The following CYP3A5 variants were observed in gnomAD, a reference collection of about 807,000 sequenced individuals.
CYP3A5 encodes cytochrome P450 3A5.
A neutral mutation model predicts 55.9 loss-of-function variants in CYP3A5; 51 were observed. The ratio of observed to expected loss-of-function variants is 0.91; its 90% CI spans 0.73 to 1.15. CYP3A5 has a LOEUF of 1.15. Ranked by LOEUF, CYP3A5 falls within the 50% of genes most tolerant of loss-of-function variation. The pLI, the probability that CYP3A5 is intolerant of heterozygous loss-of-function variation, is 0.00. For synonymous variants in CYP3A5, 196 were observed against 213.9 expected, an observed-to-expected ratio of 0.92 and a Z score of 0.73; for missense variants, 533 against 596.6, an observed-to-expected ratio of 0.89 and a Z score of 1.11.
intron 1 of CYP3A5, chr7:99,677,295 A>G: frequency 1.0e-6 from 1 of 974,384 alleles, no homozygotes; most frequent in Non-Finnish European, 1.2e-6. Context: ...TCAGCTGTGA[A>G]GCTGCTAGCC....
At position 99,675,757 on chromosome 7, in the gene CYP3A5, G is replaced by T. The variant is rs528008814; in HGVS notation, c.165+358C>A. On this transcript the variant is annotated intron_variant, in intron 2 of 12. Coordinates refer to ENST00000222982, the MANE Select transcript of CYP3A5 (RefSeq NM_000777.5). ...TGACCAAGCTGGAGTGCAGTGGTGC[G>T]ATCACAGCTCAATACAGCCTTGACT... Among the ~76,000 whole-genome samples the T allele has an allele frequency of 4.4e-5, 6 of 137,612 alleles. No homozygotes were observed. In the East Asian group the frequency reaches 1.3e-3, roughly 29 times the overall value. The allele number at this position is 137,612 out of a possible 152,430, so 90.3% of individuals were successfully genotyped here. A position where few individuals can be genotyped will look rare whatever the true frequency, so the allele number is the denominator to read the frequency against.
chr7:99,664,088 A>C lies in CYP3A5; in HGVS notation c.678T>G (p.Phe226Leu). The C allele has an allele frequency of 6.3e-7, 1 of 1,583,612 alleles. No homozygotes were observed. The highest frequency in any genetic ancestry group is 8.5e-7 in the Non-Finnish European group (1 of 1,172,504). Reference sequence around the variant, plus strand: ...CTTCAAAAACTGGGGTAAGGAATGGAAAGAGTACTGTGGGAAAAACAAAAC... The same window carrying C: ...CTTCAAAAACTGGGGTAAGGAATGGCAAGAGTACTGTGGGAAAAACAAAAC... ...LDPLFLSIIL[F>L]PFLTPVFEAL... Residue 226 changes from phenylalanine (F) to leucine (L), a missense_variant, in exon 8 of 13, where the codon TTT becomes TTG. By Grantham distance (22) the Phe-to-Leu change is conservative (BLOSUM62 0). Transcript: ENST00000222982.
At chr7:99,655,888 A>G (rs929323354) in intron 10 of CYP3A5, among the ~76,000 whole-genome samples, 2 of 152,032 alleles carry the variant, frequency 1.3e-5, no homozygotes, top group Non-Finnish European at 2.9e-5. Flanking sequence ...TTTGTCTGTT[A>G]TTGGTGTATA....
At chr7:99,672,702 A>C in intron 3 of CYP3A5, 23 bp from the exon 4 acceptor site, 1 of 1,613,106 alleles carries the variant, frequency 6.2e-7, no homozygotes, top group South Asian at 1.1e-5. Flanking sequence ...AACGGAGCTG[A>C]TTAAACTTCA....
intron 4 of CYP3A5, 85 bp downstream of exon 4, chr7:99,672,495 C>G (rs1471802182): frequency 8.3e-7 from 1 of 1,202,510 alleles, no homozygotes; most frequent in Non-Finnish European, 1.2e-6. Context: ...TTTTAGGTAA[C>G]CTTCTGTGAA....
intron 9 of CYP3A5, among the ~76,000 whole-genome samples, chr7:99,661,171 ACTGAGCTACAGATCACCT>A (rs1423889056): frequency 1.1e-4 from 16 of 152,196 alleles, no homozygotes; most frequent in African/African-American, 3.9e-4. Context: ...AAGGACCAAT[ACTGAGCTACAGATCACCT>A]CTTGCTACTC....
intron 7 of CYP3A5, 44 bp downstream of exon 7, chr7:99,665,122 G>A (rs1343465305): frequency 1.4e-6 from 2 of 1,459,322 alleles, no homozygotes; most frequent in African/African-American, 2.9e-5. Flanking sequence ...TGTCAAGAAA[G>A]CAGTTATTTT....
At position 99,666,986 on chromosome 7, in the gene CYP3A5, A is replaced by G. The variant is rs1383200930; in HGVS notation, c.398T>C (p.Leu133Pro). 13 of 1,614,000 alleles carry G rather than the reference A, an allele frequency of 8.1e-6. No homozygotes were observed. The highest frequency in any genetic ancestry group is 1.1e-5 in the Non-Finnish European group (13 of 1,180,012). The change falls in exon 5 of 13, where the codon CTG becomes CCG. Residue 133 changes from leucine to proline, a missense_variant. Coordinates refer to ENST00000222982, the MANE Select transcript of CYP3A5 (RefSeq NM_000777.5). Reference sequence around the variant, plus strand: ...TTTTCCGCTGGTGAAGGTTGGAGACAGCAATGACCGTATTCTCTTCCATTC... The same window carrying G: ...TTTTCCGCTGGTGAAGGTTGGAGACGGCAATGACCGTATTCTCTTCCATTC... ...DEEWKRIRSL[L>P]SPTFTSGKLK... is the part of the protein sequence containing the mutation.
chr7:99,660,032 C>T, intron 10 of CYP3A5: 1 of 200,854 alleles, frequency 5.0e-6, no homozygotes, highest in South Asian at 1.8e-4. Context: ...TGATGCCTCG[C>T]CCTGCTTTGG....
At chr7:99,663,868 G>A in intron 8 of CYP3A5, 100 bp downstream of exon 8, 1 of 1,448,460 alleles carries the variant, frequency 6.9e-7, no homozygotes, top group Non-Finnish European at 9.0e-7. Context: ...TAAGTTCTCT[G>A]TCTTTATTTT....
intron 9 of CYP3A5, among the ~76,000 whole-genome samples, chr7:99,661,374 G>A (rs916519021): frequency 1.3e-5 from 2 of 152,140 alleles, no homozygotes; most frequent in African/African-American, 4.8e-5. Flanking sequence ...ACAGGCATCA[G>A]GCAATACAAG....
Position 99,662,835 on chromosome 7 carries a change from T to A in CYP3A5, c.846A>T (p.Lys282Asn), listed in dbSNP as rs1228706181. 1 of 1,614,062 alleles carries A rather than the reference T, an allele frequency of 6.2e-7. No homozygotes were observed. The highest frequency in any genetic ancestry group is 1.1e-5 in the South Asian group (1 of 91,076). ...LQLMIDSQNS[K>N]ETESHKALSD... ...GGTTACCTTTGTGGGACTCAGTTTCTTTCGAATTCTGGGAGTCAATCATCA... is the reference window on the plus strand; with the variant it reads ...GGTTACCTTTGTGGGACTCAGTTTCATTCGAATTCTGGGAGTCAATCATCA... The change falls in exon 9 of 13, where the codon AAA becomes AAT. Residue 282 changes from lysine (K) to asparagine (N), a missense_variant. Physicochemically the swap from Lys to Asn is moderately conservative, Grantham distance 94. Coordinates refer to ENST00000222982, the MANE Select transcript of CYP3A5 (RefSeq NM_000777.5). This position sits in a 1 kb window ranked among gnomAD's most constrained non-coding sequence, Gnocchi z 4.3.
At chr7:99,679,346 G>C (rs1812605222) in intron 1 of CYP3A5, among the ~76,000 whole-genome samples, 1 of 152,096 alleles carries the variant, frequency 6.6e-6, no homozygotes, top group East Asian at 1.9e-4. Flanking sequence ...CGGGGGAGCA[G>C]GAACCAGGTC....
chr7:99,671,951 T>C (rs753836839), intron 4 of CYP3A5: 1 of 677,824 alleles, frequency 1.5e-6, no homozygotes, highest in Non-Finnish European at 2.7e-6. Context: ...GTAAAACTGG[T>C]GAAATCTGAA....
chr7:99,667,095 C>A, intron 4 of CYP3A5, 30 bp from the exon 5 acceptor site: 2 of 1,590,066 alleles, frequency 1.3e-6, no homozygotes, highest in South Asian at 2.2e-5. Flanking sequence ...TTTTTTCTCA[C>A]ATTAGTTGTG....
intron 4 of CYP3A5, among the ~76,000 whole-genome samples, chr7:99,667,988 A>G (rs1026044004): frequency 6.6e-6 from 1 of 152,218 alleles, no homozygotes; most frequent in Non-Finnish European, 1.5e-5. Flanking sequence ...AAAGGAAATA[A>G]TAGAATTGTC....
intron 4 of CYP3A5, among the ~76,000 whole-genome samples, chr7:99,669,460 T>C (rs77340684): frequency 0.017 from 2,601 of 152,314 alleles, 82 homozygotes; most frequent in African/African-American, 0.058. Context: ...AACCATTTAC[T>C]GATGGTGAGT....
rs1268474635 is a variant in CYP3A5, at chr7:99,650,064, T to C, written c.1413+9A>G. 1.2e-6 allele frequency: 2 copies of C among 1,613,920 alleles called. No individual in the cohort carries two copies. The highest frequency in any genetic ancestry group is 4.5e-5 in the East Asian group (2 of 44,874). On this transcript the variant is annotated intron_variant, in intron 12 of 12. Transcript: ENST00000222982. ...AATTCTTAATAAAACATACAGAAAGTGTACTGACCTGTGTTTCTTTACAAG... is the reference window on the plus strand; with the variant it reads ...AATTCTTAATAAAACATACAGAAAGCGTACTGACCTGTGTTTCTTTACAAG...
chr7:99,669,346 T>C (rs1811355362), intron 4 of CYP3A5, among the ~76,000 whole-genome samples: 1 of 152,174 alleles, frequency 6.6e-6, no homozygotes, highest in Admixed American at 6.5e-5. Context: ...TGAAAAAAAG[T>C]CTGTCTTTTC....
Sources: gnomAD v4.1 joint callset for allele counts (sites outside exome capture counted in the v4.1 genomes callset) on GRCh38, gnomAD v4.1.1 for gene constraint, Gnocchi (gnomAD v3.1) non-coding constraint, MANE v1.5 for transcripts, NCBI Gene and HGNC (gene_info 2026-07-23, HGNC 2026-07-21) for gene names.